The following RNLS variants were observed in gnomAD, a reference collection of about 807,000 sequenced individuals.
RNLS encodes renalase.
Under a neutral mutation model 39.8 loss-of-function variants are expected in RNLS, and 39 were observed. The observed-to-expected ratio is 0.98, with a 90% CI of 0.76 to 1.28. The LOEUF (loss-of-function observed/expected upper bound fraction) is 1.28. Among genes scored for constraint, RNLS ranks in the 50% most tolerant of loss-of-function variants. The pLI, the probability that RNLS is intolerant of heterozygous loss-of-function variation, is 0.00. For synonymous variants in RNLS, 147 were observed against 150.7 expected, an observed-to-expected ratio of 0.98 and a Z score of 0.18; for missense variants, 410 against 413.3, an observed-to-expected ratio of 0.99 and a Z score of 0.07.
chr10:88,523,146 C>T (rs1041446840), intron 4 of RNLS, among the ~76,000 whole-genome samples: 1 of 152,112 alleles, frequency 6.6e-6, no homozygotes, highest in Non-Finnish European at 1.5e-5. Flanking sequence ...AGTTAAGTCA[C>T]AAGAGATGTG....
chr10:88,283,360 G>A (rs1349016000), downstream of RNLS, among the ~76,000 whole-genome samples: 2 of 152,120 alleles, frequency 1.3e-5, no homozygotes, highest in Non-Finnish European at 2.9e-5. Flanking sequence ...AAAGTCATTA[G>A]TAATGGCTTA....
intron 4 of RNLS, among the ~76,000 whole-genome samples, chr10:88,461,210 G>C (rs1293193593): frequency 2.0e-5 from 3 of 152,028 alleles, no homozygotes; most frequent in Non-Finnish European, 4.4e-5. Context: ...TGTCCTCAAG[G>C]CTCAGCATCT....
chr10:88,492,726 A>G (rs1744372676), intron 4 of RNLS, among the ~76,000 whole-genome samples: 1 of 151,742 alleles, frequency 6.6e-6, no homozygotes, highest in South Asian at 2.1e-4. Flanking sequence ...GCCCTTTTAA[A>G]CTTTTTAACA....
At chr10:88,567,161 C>T (rs1463968206) in intron 4 of RNLS, among the ~76,000 whole-genome samples, 1 of 151,668 alleles carries the variant, frequency 6.6e-6, no homozygotes, top group Non-Finnish European at 1.5e-5. Context: ...AATCATAAAG[C>T]AAAAATTGCC....
intron 4 of RNLS, among the ~76,000 whole-genome samples, chr10:88,487,045 T>C (rs1392239507): frequency 1.3e-5 from 2 of 152,206 alleles, no homozygotes; most frequent in Admixed American, 6.6e-5. Flanking sequence ...AAGGAGATCA[T>C]GTCTTTTGCA....
chr10:88,252,791 T>C, the RNLS span, among the ~76,000 whole-genome samples: 1 of 152,212 alleles, frequency 6.6e-6, no homozygotes, highest in African/African-American at 2.4e-5. Context: ...ACATAGTAGG[T>C]GCCCAATTAA....
At chr10:88,277,726 A>G (rs1842864266) in intron 6 of RNLS, among the ~76,000 whole-genome samples, 1 of 152,054 alleles carries the variant, frequency 6.6e-6, no homozygotes, top group African/African-American at 2.4e-5. Context: ...CCCCTTAAAT[A>G]TTTTCCATGC....
chr10:88,203,625 G>T, the RNLS span, among the ~76,000 whole-genome samples: 3 of 150,064 alleles, frequency 2.0e-5, no homozygotes, highest in South Asian at 2.1e-4. Context: ...TACTGAATCA[G>T]GCTCTCTGGG....
At chr10:88,524,949 G>GCA (rs761145374) in intron 4 of RNLS, among the ~76,000 whole-genome samples, 6,332 of 48,480 alleles carry the variant, frequency 0.13, 422 homozygotes, top group East Asian at 0.29. Context: ...TATATATATG[G>GCA]CACACACATA....
chr10:88,242,767 G>A, the RNLS span, among the ~76,000 whole-genome samples: 1 of 152,148 alleles, frequency 6.6e-6, no homozygotes, highest in East Asian at 1.9e-4. Context: ...CCTCAACATG[G>A]AGAAACCCTG....
At chr10:88,463,329 A>G (rs541462865) in intron 4 of RNLS, among the ~76,000 whole-genome samples, 1 of 152,192 alleles carries the variant, frequency 6.6e-6, no homozygotes, top group East Asian at 1.9e-4. Flanking sequence ...TCATTCTTCT[A>G]CAAGCCAAAG....
chr10:88,409,226 A>G (rs1853499953), intron 4 of RNLS, among the ~76,000 whole-genome samples: 1 of 152,276 alleles, frequency 6.6e-6, no homozygotes, highest in East Asian at 1.9e-4. Context: ...ATATTTTCAC[A>G]GTAATGCAAT....
the RNLS span, among the ~76,000 whole-genome samples, chr10:88,246,303 C>T: frequency 6.6e-6 from 1 of 152,190 alleles, no homozygotes; most frequent in East Asian, 1.9e-4. Context: ...TCTGACTTTC[C>T]AAATCCAATC....
chr10:88,180,120 T>G, the RNLS span, among the ~76,000 whole-genome samples: 1 of 152,216 alleles, frequency 6.6e-6, no homozygotes, highest in Non-Finnish European at 1.5e-5. Context: ...ACTAGCTGTC[T>G]TTGGGTGGGG....
chr10:88,227,535 C>G, the RNLS span, among the ~76,000 whole-genome samples: 1 of 152,182 alleles, frequency 6.6e-6, no homozygotes, highest in Non-Finnish European at 1.5e-5. Flanking sequence ...CACGAGTGCA[C>G]TCACAGAGAG....
chr10:88,455,542 G>T (rs938481431), intron 4 of RNLS, among the ~76,000 whole-genome samples: 1 of 152,052 alleles, frequency 6.6e-6, no homozygotes, highest in South Asian at 2.1e-4. Flanking sequence ...GAGTAGCTGG[G>T]ACTACAGGCA....
chr10:88,396,229 C>T (rs528409463), intron 4 of RNLS, among the ~76,000 whole-genome samples: 3 of 152,030 alleles, frequency 2.0e-5, no homozygotes, highest in Admixed American at 6.6e-5. Flanking sequence ...AGCTCTTTAT[C>T]GGATTTGAAA....
At chr10:88,553,051 C>T (rs759944567) in intron 4 of RNLS, among the ~76,000 whole-genome samples, 1 of 152,094 alleles carries the variant, frequency 6.6e-6, no homozygotes, top group African/African-American at 2.4e-5. Context: ...TTCAAAAAGA[C>T]AAACAAAAAC....
rs778773668 is a variant in RNLS, at chr10:88,284,778, TATC to T, written c.*573_*575del. 7.3e-5 allele frequency: 72 copies of T among 985,252 alleles called. No individual in the cohort carries two copies. The highest frequency in any genetic ancestry group is 8.4e-5 in the Non-Finnish European group (70 of 829,914). 61.0% of individuals were successfully genotyped at this position (985,252 alleles called of 1,614,324 possible). On this transcript the variant is annotated 3_prime_UTR_variant, in exon 7 of 7. Transcript: ENST00000331772. The stretch of plus-strand genomic sequence containing the variant: ...CTGAAAATCTGAAGGAAGGTCTCTT[TATC>T]AGTCAAGTTGCCCTCCACACTAAGA...
Sources: allele counts gnomAD v4.1 joint callset (sites outside exome capture counted in the v4.1 genomes callset), GRCh38; gene constraint gnomAD v4.1.1; transcripts MANE v1.5; gene names NCBI Gene and HGNC (gene_info 2026-07-23, HGNC 2026-07-21).